Variants in YES1 observed in about 807,000 individuals in gnomAD.
YES1 encodes the protein tyrosine-protein kinase Yes.
A neutral mutation model predicts 70.4 loss-of-function variants in YES1; 39 were observed. That is an observed-to-expected ratio of 0.55 (90% CI 0.43 to 0.72). The LOEUF (loss-of-function observed/expected upper bound fraction) is 0.72. Ranked by LOEUF, YES1 falls within the 30% of genes least tolerant of loss-of-function variation. The pLI is 0.00. For missense variants in YES1, 495 were observed against 644.8 expected, an observed-to-expected ratio of 0.77 and a Z score of 2.52; for synonymous variants, 198 against 218.6, an observed-to-expected ratio of 0.91 and a Z score of 0.83.
intron 1 of YES1, among the ~76,000 whole-genome samples, chr18:792,943 A>G (rs1419284420): frequency 6.6e-6 from 1 of 152,090 alleles, no homozygotes; most frequent in Non-Finnish European, 1.5e-5. Flanking sequence ...TCCTTCCATG[A>G]TATTATATAT....
chr18:753,340 C>T (rs908786296), intron 2 of YES1, among the ~76,000 whole-genome samples: 4 of 152,080 alleles, frequency 2.6e-5, no homozygotes, highest in Non-Finnish European at 5.9e-5. Flanking sequence ...TTCAAGAATA[C>T]AATATATTGT....
chr18:799,018 TAGTC>T (rs1314742441), intron 1 of YES1, among the ~76,000 whole-genome samples: 50 of 152,324 alleles, frequency 3.3e-4, no homozygotes, highest in Non-Finnish European at 7.3e-5. Context: ...AAAATTAAAT[TAGTC>T]AGATGCTCTG....
At position 781,355 on chromosome 18, in the gene YES1, G is replaced by A. The variant is rs1328271905; in HGVS notation, c.-8-24520C>T. Reference sequence around the variant, plus strand: ...CTTGATTTCTTTTAGATCCTCAAATGTACCATACTGTTTTCATAAACGCTT... The same window carrying A: ...CTTGATTTCTTTTAGATCCTCAAATATACCATACTGTTTTCATAAACGCTT... On this transcript the variant is annotated intron_variant, in intron 1 of 11. Coordinates refer to ENST00000314574, the MANE Select transcript of YES1 (RefSeq NM_005433.4). 2.7e-5 allele frequency among the ~76,000 whole-genome samples: 4 copies of A among 150,610 alleles called. No individual in the cohort carries two copies. In the East Asian group the frequency reaches 5.9e-4, roughly 22 times the overall value.
At chr18:750,432 T>C (rs1057065940) in intron 3 of YES1, among the ~76,000 whole-genome samples, 6 of 152,224 alleles carry the variant, frequency 3.9e-5, no homozygotes, top group Non-Finnish European at 5.9e-5. Flanking sequence ...TCATTCTTTG[T>C]TGTGGGAGGC....
intron 11 of YES1, among the ~76,000 whole-genome samples, chr18:725,899 G>A (rs2080013219): frequency 6.6e-6 from 1 of 151,860 alleles, no homozygotes; most frequent in African/African-American, 2.4e-5. Flanking sequence ...GTGGGGAAGT[G>A]AAATCCAGTA....
rs575217131 is a variant in YES1 at position 764,880 on chromosome 18, A to C, written c.-8-8045T>G. On this transcript the variant is annotated intron_variant, in intron 1 of 11. Transcript: ENST00000314574. ...CCCGAGTAGCTGGGATTACAGGTGCACACCACCACACCCGGCTAATTTTTT... is the reference window on the plus strand; with the variant it reads ...CCCGAGTAGCTGGGATTACAGGTGCCCACCACCACACCCGGCTAATTTTTT... 3.6e-4 allele frequency among the ~76,000 whole-genome samples: 55 copies of C among 151,488 alleles called. 1 individual carries two copies. In the South Asian group the frequency reaches 4.8e-3, roughly 13 times the overall value.
At position 756,857 on chromosome 18, in the gene YES1, T is replaced by C. The variant is rs202142373; in HGVS notation, c.-8-22A>G. 15 of 1,597,990 alleles carry C rather than the reference T, an allele frequency of 9.4e-6. No individual in the cohort carries two copies. The South Asian group carries it at 1.7e-4, about 18-fold the overall frequency. On this transcript the variant is annotated intron_variant, in intron 1 of 11. Transcript: ENST00000314574. ...AAATCTACAGAGACAATAAAATATT[T>C]TGAGAGTCAGTTAACACACAGGATA... is the stretch of plus-strand genomic sequence containing the variant.
At chr18:769,312 T>C (rs188036818) in intron 1 of YES1, among the ~76,000 whole-genome samples, 11 of 152,348 alleles carry the variant, frequency 7.2e-5, no homozygotes, top group Admixed American at 7.2e-4. Context: ...ACTAAACTCT[T>C]ATGATTTCTA....
rs1037427036 is a variant in YES1 at position 747,856 on chromosome 18, T to A, written c.470+64A>T. On this transcript the variant is annotated intron_variant, in intron 4 of 11. Transcript: ENST00000314574. ...CTGTGTGTGTAAAGTTGTGGCTAAG[T>A]AGAATGTGCATTAAAACATTTCAAA... is the stretch of plus-strand genomic sequence containing the variant. 47 of 1,469,410 alleles carry A rather than the reference T, an allele frequency of 3.2e-5. No individual in the cohort carries two copies. In the Admixed American group the frequency reaches 7.9e-4, roughly 25 times the overall value. The allele number at this position is 1,469,410 out of a possible 1,614,324, so 91.0% of individuals were successfully genotyped here.
chr18:804,700 A>C (rs542120981), intron 1 of YES1, among the ~76,000 whole-genome samples: 42 of 148,536 alleles, frequency 2.8e-4, no homozygotes, highest in African/African-American at 9.9e-4. Flanking sequence ...ATCACCTGAG[A>C]TAGGGAGTTG....
At chr18:759,069 C>G (rs1334588344) in intron 1 of YES1, among the ~76,000 whole-genome samples, 1 of 152,114 alleles carries the variant, frequency 6.6e-6, no homozygotes, top group Admixed American at 6.5e-5. Flanking sequence ...TAAAATGTAG[C>G]TACATATATT....
At chr18:804,684 G>A (rs1209568127) in intron 1 of YES1, among the ~76,000 whole-genome samples, 11 of 143,864 alleles carry the variant, frequency 7.6e-5, no homozygotes, top group East Asian at 4.2e-4. Context: ...AGGCCAAGGC[G>A]GGCGGATCAC....
At chr18:781,915 GC>G (rs1224511693) in intron 1 of YES1, among the ~76,000 whole-genome samples, 1 of 152,152 alleles carries the variant, frequency 6.6e-6, no homozygotes, top group Admixed American at 6.5e-5. Context: ...ACTAGAGGTA[GC>G]TTAAGCAAAA....
intron 10 of YES1, 32 bp downstream of exon 10, chr18:736,776 C>T: frequency 1.2e-6 from 2 of 1,602,146 alleles, no homozygotes; most frequent in Non-Finnish European, 1.7e-6. Context: ...ACACACAACA[C>T]ATTACAAGCT....
intron 4 of YES1, among the ~76,000 whole-genome samples, chr18:747,566 G>A (rs545741183): frequency 3.3e-5 from 5 of 152,236 alleles, no homozygotes; most frequent in East Asian, 3.9e-4. Flanking sequence ...TATATAAGCT[G>A]TAAGTTAAAA....
At chr18:792,072 T>TA (rs1906282135) in intron 1 of YES1, among the ~76,000 whole-genome samples, 1 of 152,086 alleles carries the variant, frequency 6.6e-6, no homozygotes, top group African/African-American at 2.4e-5. Context: ...CTAAAAAAAA[T>TA]AGTGTTTTCT....
At chr18:765,501 C>T (rs1038140877) in intron 1 of YES1, among the ~76,000 whole-genome samples, 3 of 149,642 alleles carry the variant, frequency 2.0e-5, no homozygotes, top group African/African-American at 7.4e-5. Flanking sequence ...CCGGTTCAAG[C>T]GATTCTCCTG....
intron 1 of YES1, among the ~76,000 whole-genome samples, chr18:782,520 A>G (rs1036883500): frequency 6.6e-6 from 1 of 152,180 alleles, no homozygotes; most frequent in African/African-American, 2.4e-5. Context: ...TACTCAGTAA[A>G]GGCTATTAAC....
At chr18:808,208 T>C (rs1430197151) in intron 1 of YES1, among the ~76,000 whole-genome samples, 3 of 152,318 alleles carry the variant, frequency 2.0e-5, no homozygotes, top group South Asian at 4.1e-4. Flanking sequence ...CAGCCAACGA[T>C]TCCTTGGCAT....
Sources: gnomAD v4.1 joint callset for allele counts (sites outside exome capture counted in the v4.1 genomes callset) on GRCh38, gnomAD v4.1.1 for gene constraint, MANE v1.5 for transcripts, NCBI Gene and HGNC (gene_info 2026-07-23, HGNC 2026-07-21) for gene names.